Variants in ZFHX3 observed in about 807,000 individuals in gnomAD.
The protein encoded by ZFHX3 is zinc finger homeobox protein 3.
ZFHX3 carries 42 observed loss-of-function variants against 279.1 expected under a neutral mutation model. That is an observed-to-expected ratio of 0.15 (90% CI 0.12 to 0.19). The LOEUF (loss-of-function observed/expected upper bound fraction) is 0.19, where lower values mean the gene tolerates loss of function less well. ZFHX3 is among the 10% of genes least tolerant of loss of function. The probability of loss-of-function intolerance (pLI) is 1.00; values close to 1 mark genes in which losing one functional copy is unlikely to be tolerated. For synonymous variants in ZFHX3, 2,293 were observed against 1,957.8 expected (o/e 1.17, Z -4.52); for missense variants, 4,981 against 4,754.0 (o/e 1.05, Z -1.40).
At chr16:73,091,060 A>T (rs541456106) in intron 8 of ZFHX3, among the ~76,000 whole-genome samples, 1 of 151,976 alleles carries the variant, frequency 6.6e-6, no homozygotes, top group African/African-American at 2.4e-5. Flanking sequence ...AAATACAAAA[A>T]ATTAACCAGG....
chr16:73,424,228 A>G (rs535141134), intron 3 of ZFHX3, among the ~76,000 whole-genome samples: 1 of 152,212 alleles, frequency 6.6e-6, no homozygotes, highest in African/African-American at 2.4e-5. Flanking sequence ...GTAGTCTCTC[A>G]CTAGTCATGC....
At chr16:73,622,321 G>A (rs1032056612) in intron 2 of ZFHX3, among the ~76,000 whole-genome samples, 7 of 152,318 alleles carry the variant, frequency 4.6e-5, no homozygotes, top group Non-Finnish European at 8.8e-5. Flanking sequence ...CACTTTGGGA[G>A]GCTCAGGCGG....
chr16:73,323,738 G>T (rs2047290479), intron 3 of ZFHX3, among the ~76,000 whole-genome samples: 1 of 152,092 alleles, frequency 6.6e-6, no homozygotes, highest in African/African-American at 2.4e-5. Context: ...AGGAGAAGGA[G>T]GATCACTTCC....
chr16:73,045,318 T>C (rs552292390), intron 1 of ZFHX3, among the ~76,000 whole-genome samples: 1 of 152,344 alleles, frequency 6.6e-6, no homozygotes, highest in Admixed American at 6.5e-5. Flanking sequence ...TCACCAAAGA[T>C]GAGCCAGGCC....
intron 1 of ZFHX3, among the ~76,000 whole-genome samples, chr16:73,012,657 A>C (rs2144627083): frequency 6.6e-6 from 1 of 152,308 alleles, no homozygotes. Context: ...GACAAAGACA[A>C]AAGAGAAGAG....
intron 1 of ZFHX3, among the ~76,000 whole-genome samples, chr16:73,751,003 T>C (rs968813854): frequency 2.6e-5 from 4 of 152,182 alleles, no homozygotes; most frequent in African/African-American, 4.8e-5. Context: ...TTCTGAGAAA[T>C]ATCTAGAGTT....
chr16:73,368,448 C>G (rs1256764507), intron 3 of ZFHX3, among the ~76,000 whole-genome samples: 2 of 152,104 alleles, frequency 1.3e-5, no homozygotes, highest in African/African-American at 4.8e-5. Flanking sequence ...TAGGTTCTAG[C>G]TGAGCCTTGG....
intron 1 of ZFHX3, among the ~76,000 whole-genome samples, chr16:73,714,989 T>C (rs923259776): frequency 6.6e-6 from 1 of 152,214 alleles, no homozygotes; most frequent in Non-Finnish European, 1.5e-5. Flanking sequence ...AATCGTTCAT[T>C]GCCTTTTAAA....
chr16:73,295,590 G>A (rs2014889819), intron 4 of ZFHX3, among the ~76,000 whole-genome samples: 2 of 152,210 alleles, frequency 1.3e-5, no homozygotes, highest in East Asian at 1.9e-4. Context: ...TCCATTTGTA[G>A]AACTGGGTAA....
intron 5 of ZFHX3, among the ~76,000 whole-genome samples, chr16:73,228,215 T>C (rs2012664739): frequency 6.6e-6 from 1 of 152,214 alleles, no homozygotes; most frequent in South Asian, 2.1e-4. Flanking sequence ...TTTGCAGGCC[T>C]TATGTGCTTT....
At chr16:72,877,070 T>C (rs1232381326) in intron 4 of ZFHX3, among the ~76,000 whole-genome samples, 1 of 152,186 alleles carries the variant, frequency 6.6e-6, no homozygotes, top group Non-Finnish European at 1.5e-5. Flanking sequence ...AACCAAAAAA[T>C]AGTCTACATT....
At chr16:73,428,459 C>G in intron 3 of ZFHX3, among the ~76,000 whole-genome samples, 1 of 152,242 alleles carries the variant, frequency 6.6e-6, no homozygotes, top group East Asian at 1.9e-4. Context: ...CGCGCTCCCT[C>G]GAACCCCCGA....
intron 3 of ZFHX3, among the ~76,000 whole-genome samples, chr16:73,344,225 G>A (rs1215645913): frequency 1.3e-5 from 2 of 152,110 alleles, no homozygotes; most frequent in Non-Finnish European, 2.9e-5. Flanking sequence ...CTTCCTCACT[G>A]AGGAAGACAC....
intron 2 of ZFHX3, chr16:73,483,512 T>C (rs1597353349): frequency 7.7e-6 from 3 of 387,340 alleles, no homozygotes. Context: ...GCTGAACAAA[T>C]AGGCCACGTA....
intron 3 of ZFHX3, among the ~76,000 whole-genome samples, chr16:73,388,013 C>A (rs148835473): frequency 2.6e-5 from 4 of 152,000 alleles, no homozygotes. Context: ...ATGCAGGGCA[C>A]GCTCATTGTG....
In ZFHX3 at chr16:73,234,530, T is replaced by C. The variant is rs144116411; in HGVS notation, c.-1104+22517A>G. Among the ~76,000 whole-genome samples the C allele has an allele frequency of 2.7e-3, 411 of 152,330 alleles. 4 individuals are homozygous for C. The highest frequency in any genetic ancestry group is 9.7e-3 in the African/African-American group (405 of 41,592). On this transcript the variant is annotated intron_variant, in intron 5 of 17. Transcript: ENST00000641206. Reference sequence around the variant, plus strand: ...AAATGATCCTCTTTAAACCTCATGATGGCCAAAGCCAGGCGGGCGGGGATT... The same window carrying C: ...AAATGATCCTCTTTAAACCTCATGACGGCCAAAGCCAGGCGGGCGGGGATT...
chr16:73,329,993 G>A (rs1223138968), intron 3 of ZFHX3, among the ~76,000 whole-genome samples: 2 of 152,160 alleles, frequency 1.3e-5, no homozygotes, highest in Admixed American at 6.5e-5. Context: ...CAGGGGCTGG[G>A]TTGTCATGAT....
chr16:73,432,045 T>TGA (rs1488919968), intron 3 of ZFHX3, among the ~76,000 whole-genome samples: 12 of 152,322 alleles, frequency 7.9e-5, no homozygotes, highest in African/African-American at 2.6e-4. Context: ...GAGGTCACCC[T>TGA]GAGCACAGGG....
intron 1 of ZFHX3, among the ~76,000 whole-genome samples, chr16:73,022,483 G>A (rs556777556): frequency 2.0e-5 from 3 of 152,268 alleles, no homozygotes; most frequent in Admixed American, 2.0e-4. Flanking sequence ...GATGAGGGTG[G>A]CTGTCCTGGG....
Sources: allele counts gnomAD v4.1 joint callset (sites outside exome capture counted in the v4.1 genomes callset), GRCh38; gene constraint gnomAD v4.1.1; transcripts MANE v1.5; gene names NCBI Gene and HGNC (gene_info 2026-07-23, HGNC 2026-07-21).